The following ATP6V1A variants were observed in gnomAD, a reference collection of about 807,000 sequenced individuals.
ATP6V1A encodes V-type proton ATPase catalytic subunit A.
Under a neutral mutation model 70.1 loss-of-function variants are expected in ATP6V1A, and 18 were observed. The observed-to-expected ratio is 0.26, with a 90% CI of 0.18 to 0.38. The LOEUF (loss-of-function observed/expected upper bound fraction) is 0.38. ATP6V1A is among the 10% of genes least tolerant of loss of function. The pLI is 1.00. For synonymous variants in ATP6V1A, 232 were observed against 253.8 expected, an observed-to-expected ratio of 0.91 and a Z score of 0.82; for missense variants, 424 against 772.4, an observed-to-expected ratio of 0.55 and a Z score of 5.35.
At chr3:113,770,857 G>T (rs887079304) in intron 1 of ATP6V1A, among the ~76,000 whole-genome samples, 15 of 152,038 alleles carry the variant, frequency 9.9e-5, no homozygotes, top group East Asian at 3.9e-4. Context: ...TACTTTGGGA[G>T]GCCGAGGCGG....
chr3:113,795,230 CA>C (rs982187396), intron 10 of ATP6V1A, 26 bp downstream of exon 10: 1 of 1,594,118 alleles, frequency 6.3e-7, no homozygotes, highest in Non-Finnish European at 8.5e-7. Flanking sequence ...ATTTACTTTG[CA>C]AAAGGAAAAA....
At chr3:113,777,114 G>C (rs1347738899) in intron 1 of ATP6V1A, among the ~76,000 whole-genome samples, 2 of 152,118 alleles carry the variant, frequency 1.3e-5, no homozygotes, top group Admixed American at 6.5e-5. Flanking sequence ...ATTGGTAATA[G>C]TTATTAAGGT....
At chr3:113,774,742 G>C (rs1221968613) in intron 1 of ATP6V1A, among the ~76,000 whole-genome samples, 5 of 151,904 alleles carry the variant, frequency 3.3e-5, no homozygotes. Context: ...GAACCTCAGA[G>C]GTGGAGGTTG....
At position 113,788,235 on chromosome 3, in the gene ATP6V1A, T is replaced by C. The variant is rs12638007; in HGVS notation, c.717-478T>C. 6.0e-4 allele frequency among the ~76,000 whole-genome samples: 92 copies of C among 152,308 alleles called. 2 individuals carry two copies. In the East Asian group the frequency reaches 0.017, roughly 28 times the overall value. On this transcript the variant is annotated intron_variant, in intron 6 of 14. Transcript: ENST00000273398. ...GCCTTATTTTATCTTATTCTTTTCA[T>C]ATATCCCTCTTCTCCAGTTTATTGA...
chr3:113,789,201 C>T (rs897750022), intron 7 of ATP6V1A, among the ~76,000 whole-genome samples: 1 of 152,080 alleles, frequency 6.6e-6, no homozygotes, highest in African/African-American at 2.4e-5. Context: ...GTGCATGCCA[C>T]CACGCCCAGC....
rs186024132 is a variant in ATP6V1A at position 113,755,208 on chromosome 3, T to C, written c.-14+8095T>C. ...GTTACTTGTGTCTTTTTGCATTGCA[T>C]TTTTCTCAACTTTAAAATAAGGATA... On this transcript the variant is annotated intron_variant, in intron 1 of 14. Transcript: ENST00000273398. Among the ~76,000 whole-genome samples, 51 of 152,250 alleles carry C rather than the reference T, an allele frequency of 3.3e-4. 2 individuals are homozygous for C. In the East Asian group the frequency reaches 7.3e-3, roughly 22 times the overall value.
intron 1 of ATP6V1A, among the ~76,000 whole-genome samples, chr3:113,769,509 A>G (rs1708809132): frequency 6.6e-6 from 1 of 152,146 alleles, no homozygotes; most frequent in Admixed American, 6.6e-5. Context: ...GTGAGTAAAT[A>G]TTACCTTGGA....
intron 8 of ATP6V1A, 113 bp from the exon 9 acceptor site, chr3:113,794,759 C>A: frequency 8.1e-7 from 1 of 1,229,142 alleles, no homozygotes; most frequent in Non-Finnish European, 1.1e-6. Flanking sequence ...TTGAGGGAGC[C>A]ACTAGCAGTC....
intron 14 of ATP6V1A, among the ~76,000 whole-genome samples, chr3:113,807,990 C>T (rs1242341045): frequency 4.0e-5 from 6 of 151,794 alleles, no homozygotes; most frequent in East Asian, 3.9e-4. Flanking sequence ...ATTAGCTGGG[C>T]GTGATGGTGC....
rs916993621 is a variant in ATP6V1A, at chr3:113,770,380, C to T, written c.-13-8361C>T. 2.0e-5 allele frequency among the ~76,000 whole-genome samples: 3 copies of T among 149,032 alleles called. No homozygotes were observed. In the South Asian group the frequency reaches 6.6e-4, roughly 33 times the overall value. Reference sequence around the variant, plus strand: ...CTTTTATTTTTTAAATGTTGGAGAACAACAATAGCTGTATAGGCCGGGCAC... The same window carrying T: ...CTTTTATTTTTTAAATGTTGGAGAATAACAATAGCTGTATAGGCCGGGCAC... On this transcript the variant is annotated intron_variant, in intron 1 of 14. Transcript: ENST00000273398.
intron 14 of ATP6V1A, among the ~76,000 whole-genome samples, chr3:113,807,060 G>A (rs1709282818): frequency 6.6e-6 from 1 of 151,870 alleles, no homozygotes; most frequent in South Asian, 2.1e-4. Context: ...TACATTGAGA[G>A]TTTAAAAACA....
chr3:113,747,655 T>G (rs774439199), intron 1 of ATP6V1A, among the ~76,000 whole-genome samples: 2 of 152,172 alleles, frequency 1.3e-5, no homozygotes, highest in Admixed American at 6.5e-5. Context: ...TTATCTGACA[T>G]ACCTGCAGGG....
At position 113,789,602 on chromosome 3, in the gene ATP6V1A, ATTAC is replaced by A. The variant is rs1709070828; in HGVS notation, c.880-127_880-124del. 4 of 604,198 alleles carry A rather than the reference ATTAC, an allele frequency of 6.6e-6. No individual in the cohort carries two copies. The Admixed American group carries it at 1.2e-4, about 18-fold the overall frequency. The allele number at this position is 604,198 out of a possible 1,614,324, so 37.4% of individuals were successfully genotyped here. A position where few individuals can be genotyped will look rare whatever the true frequency, so the allele number is the denominator to read the frequency against. On this transcript the variant is annotated intron_variant, in intron 7 of 14. Coordinates refer to ENST00000273398, the MANE Select transcript of ATP6V1A (RefSeq NM_001690.4). ...AAGAGAGGTTGGAGTGGTGGGGAAT[ATTAC>A]TTTAGGAACACTGATTGTAAGAGGC...
chr3:113,789,878 T>C, intron 8 of ATP6V1A, 38 bp downstream of exon 8: 2 of 1,482,912 alleles, frequency 1.3e-6, no homozygotes, highest in Non-Finnish European at 9.4e-7. Flanking sequence ...TTAACATCTG[T>C]TCTTAAGTGT....
chr3:113,786,128 C>A (rs1338104082), intron 5 of ATP6V1A, 104 bp from the exon 6 acceptor site: 3 of 957,600 alleles, frequency 3.1e-6, no homozygotes, highest in Middle Eastern at 2.9e-4. Context: ...TTTGCACTTA[C>A]ATGTATCACC....
chr3:113,778,790 G>T lies in ATP6V1A; in HGVS notation c.37G>T (p.Asp13Tyr). The T allele has an allele frequency of 6.3e-7, 1 of 1,594,608 alleles. No individual in the cohort carries two copies. The highest frequency in any genetic ancestry group is 8.5e-7 in the Non-Finnish European group (1 of 1,170,816). ...CAAGCTACCCAAAATACTCGATGAA[G>T]ATAAAGAAAGCACATTTGGTTATGT... Reference protein sequence around the residue: ...FSKLPKILDEDKESTFGYVHG... With the variant: ...FSKLPKILDEYKESTFGYVHG... Residue 13 changes from aspartate (D) to tyrosine (Y), a missense_variant, in exon 2 of 15, where the codon GAT becomes TAT. Asp to Tyr is a radical substitution (Grantham distance 160, BLOSUM62 -3). This residue lies in a region of ATP6V1A where 21 missense variants were observed against 20.4 expected (regional missense o/e 1.03). Transcript: ENST00000273398.
Position 113,788,824 on chromosome 3 carries a change from A to T in ATP6V1A, c.828A>T (p.Gly276=). 1 of 1,613,712 alleles carries T rather than the reference A, an allele frequency of 6.2e-7. No individual in the cohort carries two copies. Among genetic ancestry groups the T allele is most frequent in the Non-Finnish European group, 8.5e-7 (1 of 1,179,900 alleles). Residue 276 remains glycine, a synonymous_variant, in exon 7 of 15, where the codon GGA becomes GGT. Transcript: ENST00000273398. ...ACAGTGATGTAATCATCTATGTAGG[A>T]TGTGGTGAAAGAGGAAATGAGATGT... ...YSNSDVIIYV[G]CGERGNEMSE... is the part of the protein sequence containing the mutation.
chr3:113,754,048 A>T (rs1708619850), intron 1 of ATP6V1A, among the ~76,000 whole-genome samples: 1 of 152,218 alleles, frequency 6.6e-6, no homozygotes, highest in African/African-American at 2.4e-5. Flanking sequence ...AAGAGGAAAT[A>T]AGCAGAAAAG....
chr3:113,759,586 T>G (rs1708679618), intron 1 of ATP6V1A, among the ~76,000 whole-genome samples: 1 of 151,972 alleles, frequency 6.6e-6, no homozygotes, highest in African/African-American at 2.4e-5. Flanking sequence ...CTTAATAAAT[T>G]GAATCTAATT....
Sources: allele counts gnomAD v4.1 joint callset (sites outside exome capture counted in the v4.1 genomes callset), GRCh38; gene constraint gnomAD v4.1.1; regional missense constraint gnomAD v4.1.1; transcripts MANE v1.5; gene names NCBI Gene and HGNC (gene_info 2026-07-23, HGNC 2026-07-21).